CEP112: variants seen among roughly 807,000 people sequenced by gnomAD.
CEP112 encodes centrosomal protein 112, also known as centrosomal protein of 112 kDa.
In CEP112, 127 loss-of-function variants were observed where a neutral mutation model predicts 153.0. The ratio of observed to expected loss-of-function variants is 0.83; its 90% CI spans 0.72 to 0.96. CEP112 has a LOEUF of 0.96. CEP112 is among the 40% of genes least tolerant of loss of function. CEP112 has a pLI of 0.00. For missense variants in CEP112, 1,089 were observed against 1,101.2 expected (o/e 0.99, Z 0.16); for synonymous variants, 358 against 374.4 (o/e 0.96, Z 0.51).
At chr17:65,892,637 G>C (rs2059510116) in intron 20 of CEP112, among the ~76,000 whole-genome samples, 3 of 152,018 alleles carry the variant, frequency 2.0e-5, no homozygotes, top group East Asian at 1.9e-4. Flanking sequence ...GCTTTAACAG[G>C]GGAGCCTGGA....
At chr17:65,820,223 ACT>A (rs1419858885) in intron 21 of CEP112, among the ~76,000 whole-genome samples, 44 of 152,108 alleles carry the variant, frequency 2.9e-4, no homozygotes, top group African/African-American at 1.1e-3. Context: ...ATCCCCTTTG[ACT>A]GCCTCAGAAA....
At position 65,903,701 on chromosome 17, in the gene CEP112, G is replaced by A. The variant is rs147848811; in HGVS notation, c.1981-1367C>T. On this transcript the variant is annotated intron_variant, in intron 19 of 26. Transcript: ENST00000535342. ...GCCATTTTCCCTGATGAACATCGATGCAAAAATTCTCAATAAAATACTGGC... is the reference window on the plus strand; with the variant it reads ...GCCATTTTCCCTGATGAACATCGATACAAAAATTCTCAATAAAATACTGGC... 2.6e-5 allele frequency among the ~76,000 whole-genome samples: 4 copies of A among 152,222 alleles called. No homozygotes were observed. The East Asian group carries it at 5.8e-4, about 22-fold the overall frequency.
At chr17:66,088,753 A>G (rs2068032316) in intron 8 of CEP112, among the ~76,000 whole-genome samples, 1 of 151,794 alleles carries the variant, frequency 6.6e-6, no homozygotes, top group African/African-American at 2.4e-5. Flanking sequence ...ATCCCAATAA[A>G]CTGTGGTGCC....
At chr17:65,854,404 G>A (rs1487033878) in intron 20 of CEP112, among the ~76,000 whole-genome samples, 1 of 152,024 alleles carries the variant, frequency 6.6e-6, no homozygotes, top group African/African-American at 2.4e-5. Context: ...TTTGCACCAG[G>A]CATCTTATTT....
At chr17:66,016,647 T>C (rs1306196741) in intron 16 of CEP112, among the ~76,000 whole-genome samples, 1 of 152,128 alleles carries the variant, frequency 6.6e-6, no homozygotes, top group African/African-American at 2.4e-5. Context: ...CAACAAGGAA[T>C]TGCTATCAGA....
intron 6 of CEP112, among the ~76,000 whole-genome samples, chr17:66,108,914 AATGCAGTACT>A (rs2068897791): frequency 6.6e-6 from 1 of 152,210 alleles, no homozygotes; most frequent in South Asian, 2.1e-4. Context: ...ACTTACACGT[AATGCAGTACT>A]ATTCAGCCAT....
intron 10 of CEP112, among the ~76,000 whole-genome samples, 160 bp downstream of exon 10, chr17:66,066,618 C>T (rs1361773065): frequency 6.6e-6 from 1 of 151,524 alleles, no homozygotes; most frequent in African/African-American, 2.4e-5. Context: ...CAGTTTTTGC[C>T]CCTTCATATG....
chr17:66,164,684 C>T (rs925510792), intron 4 of CEP112, among the ~76,000 whole-genome samples: 10 of 151,672 alleles, frequency 6.6e-5, no homozygotes, highest in South Asian at 6.3e-4. Context: ...GGTAAAGCCC[C>T]GTCTCTACTA....
chr17:65,788,543 A>G (rs191885806), intron 21 of CEP112, among the ~76,000 whole-genome samples: 249 of 152,312 alleles, frequency 1.6e-3, no homozygotes, highest in African/African-American at 5.8e-3. Flanking sequence ...CTTTAATAAA[A>G]TATTTAAAAC....
At chr17:66,188,283 AC>A (rs2073016115) in intron 1 of CEP112, among the ~76,000 whole-genome samples, 1 of 48,850 alleles carries the variant, frequency 2.0e-5, no homozygotes, top group Admixed American at 1.6e-4. Context: ...CACCACACAC[AC>A]AAACACACAC....
intron 24 of CEP112, among the ~76,000 whole-genome samples, chr17:65,657,804 T>C (rs376646099): frequency 9.2e-5 from 14 of 151,988 alleles, no homozygotes; most frequent in African/African-American, 3.4e-4. Context: ...GGTTTTGGAG[T>C]CTCCCTGATA....
intron 16 of CEP112, among the ~76,000 whole-genome samples, chr17:66,014,715 G>A (rs1005075818): frequency 6.6e-6 from 1 of 152,246 alleles, no homozygotes; most frequent in African/African-American, 2.4e-5. Context: ...TAGGAGCCAG[G>A]AAGAAGACCC....
chr17:66,011,867 G>C (rs2064543185), intron 16 of CEP112, among the ~76,000 whole-genome samples: 1 of 152,084 alleles, frequency 6.6e-6, no homozygotes, highest in Non-Finnish European at 1.5e-5. Context: ...TCTTTTCATA[G>C]GTCTCTAAGA....
intron 6 of CEP112, among the ~76,000 whole-genome samples, chr17:66,101,141 A>C (rs1156322437): frequency 6.6e-6 from 1 of 152,074 alleles, no homozygotes; most frequent in African/African-American, 2.4e-5. Context: ...AATTCTCTGG[A>C]CCCTCAGTCA....
chr17:66,145,901 T>A (rs941181715), intron 4 of CEP112, among the ~76,000 whole-genome samples: 7 of 152,198 alleles, frequency 4.6e-5, no homozygotes, highest in African/African-American at 1.4e-4. Context: ...TTTTTCTGTA[T>A]CTAGTGAGAT....
chr17:65,649,506 C>G (rs2045623808), intron 24 of CEP112, among the ~76,000 whole-genome samples: 1 of 151,848 alleles, frequency 6.6e-6, no homozygotes, highest in South Asian at 2.1e-4. Context: ...TGCTTGAACT[C>G]AAGAGTTCAA....
intron 12 of CEP112, among the ~76,000 whole-genome samples, chr17:66,053,010 G>A (rs2066505275): frequency 6.6e-6 from 1 of 151,798 alleles, no homozygotes; most frequent in South Asian, 2.1e-4. Context: ...GGGAGGCTTA[G>A]GCACAAGAAT....
chr17:65,867,083 A>C (rs1392494861), intron 20 of CEP112, among the ~76,000 whole-genome samples: 1 of 152,156 alleles, frequency 6.6e-6, no homozygotes, highest in African/African-American at 2.4e-5. Flanking sequence ...ATCCTCTTTA[A>C]AGCTCTGCGG....
At chr17:66,045,486 C>T (rs971648498) in intron 12 of CEP112, among the ~76,000 whole-genome samples, 60 of 152,142 alleles carry the variant, frequency 3.9e-4, no homozygotes, top group African/African-American at 1.4e-3. Context: ...ACTATGGATA[C>T]AGAAATTACA....
Sources: gnomAD v4.1 joint callset for allele counts (sites outside exome capture counted in the v4.1 genomes callset) on GRCh38, gnomAD v4.1.1 for gene constraint, MANE v1.5 for transcripts, NCBI Gene and HGNC (gene_info 2026-07-23, HGNC 2026-07-21) for gene names.